The following PCDHA7 variants were observed in gnomAD, a reference collection of about 807,000 sequenced individuals.
PCDHA7 encodes the protein protocadherin alpha-7.
PCDHA7 carries 37 observed loss-of-function variants against 57.2 expected under a neutral mutation model. That is an observed-to-expected ratio of 0.65 (90% CI 0.50 to 0.85). PCDHA7 has a LOEUF of 0.85. Ranked by LOEUF, PCDHA7 falls within the 40% of genes least tolerant of loss-of-function variation. The pLI is 0.00. For missense variants in PCDHA7, 1,188 were observed against 1,241.8 expected (o/e 0.96, Z 0.65); for synonymous variants, 553 against 558.8 (o/e 0.99, Z 0.15).
intron 1 of PCDHA7, among the ~76,000 whole-genome samples, chr5:140,890,818 A>G (rs1170693390): frequency 1.3e-5 from 2 of 152,204 alleles, no homozygotes; most frequent in African/African-American, 4.8e-5. Flanking sequence ...ATTGTTTTAA[A>G]TGTACTTACA....
intron 3 of PCDHA7, among the ~76,000 whole-genome samples, chr5:140,985,672 G>A (rs1195009915): frequency 6.6e-6 from 1 of 151,738 alleles, no homozygotes. Flanking sequence ...AGGAAGTGGG[G>A]CCTGCCTTAC....
At chr5:140,882,415 T>G (rs782393404) in intron 1 of PCDHA7, 23 of 1,614,072 alleles carry the variant, frequency 1.4e-5, no homozygotes, top group African/African-American at 2.7e-5. Flanking sequence ...GCCGCATCGC[T>G]CAGGACCTGG....
Position 140,836,277 on chromosome 5 carries a change from A to G in PCDHA7, c.1894A>G (p.Ser632Gly), listed in dbSNP as rs1774327794. ...FRVGLYTGEI[S>G]TTRALDETDA... is the part of the protein sequence containing the mutation. ...CGTGGGGCTGTACACTGGTGAGATC[A>G]GCACGACACGAGCCCTAGATGAGAC... The change falls in exon 1 of 4, where the codon AGC becomes GGC. Residue 632 changes from serine (S) to glycine (G), a missense_variant. Ser to Gly is a moderately conservative substitution (Grantham distance 56, BLOSUM62 0). This residue lies in a region of PCDHA7 where 892 missense variants were observed against 788.5 expected (regional missense o/e 1.13). Coordinates refer to ENST00000525929, the MANE Select transcript of PCDHA7 (RefSeq NM_018910.3). 1 of 1,613,670 alleles carries G rather than the reference A, an allele frequency of 6.2e-7. No individual in the cohort carries two copies. The highest frequency in any genetic ancestry group is 8.5e-7 in the Non-Finnish European group (1 of 1,179,828).
intron 1 of PCDHA7, chr5:140,858,003 A>G: frequency 6.3e-7 from 1 of 1,596,628 alleles, no homozygotes; most frequent in Non-Finnish European, 8.6e-7. Flanking sequence ...CTGGTGAAGG[A>G]CCATGGCGAG....
In PCDHA7 at chr5:140,835,819, CG is replaced by C. The variant is rs2150245755; in HGVS notation, c.1441del (p.Asp481ThrfsTer55). On this transcript the variant is annotated frameshift_variant, in exon 1 of 4. Transcript: ENST00000525929. LOFTEE classifies it high-confidence loss of function. ...PPGCHIFTVS[A>X]GDADAQKNAL... The stretch of plus-strand genomic sequence containing the variant: ...GGCTGCCACATCTTCACTGTGTCGG[CG>C]GGGGACGCGGACGCGCAGAAGAACG... The C allele has an allele frequency of 7.4e-6, 12 of 1,612,672 alleles. No homozygotes were observed. In the South Asian group the frequency reaches 1.2e-4, roughly 16 times the overall value.
rs1554228541 is a variant in PCDHA7 at position 140,966,673 on chromosome 5, T to C, written c.2356-12276T>C. 2.3e-6 allele frequency: 3 copies of C among 1,290,056 alleles called. No homozygotes were observed. The African/African-American group carries it at 4.7e-5, about 20-fold the overall frequency. The allele number at this position is 1,290,056 out of a possible 1,614,324, so 79.9% of individuals were successfully genotyped here. A position where few individuals can be genotyped will look rare whatever the true frequency, so the allele number is the denominator to read the frequency against. On this transcript the variant is annotated intron_variant, in intron 1 of 3. Coordinates refer to ENST00000525929, the MANE Select transcript of PCDHA7 (RefSeq NM_018910.3). ...GAGCGGTGGGGGAGCAGGCGCAGGG[T>C]GGCACGAGCGGAGGCGGGGCCCGGG...
intron 1 of PCDHA7, among the ~76,000 whole-genome samples, chr5:140,880,368 T>G (rs1372331901): frequency 6.6e-6 from 1 of 152,170 alleles, no homozygotes; most frequent in African/African-American, 2.4e-5. Context: ...ATGAAAACCA[T>G]GAGAGAATAG....
At chr5:140,933,351 T>C (rs2089082227) in intron 1 of PCDHA7, among the ~76,000 whole-genome samples, 1 of 152,024 alleles carries the variant, frequency 6.6e-6, no homozygotes, top group South Asian at 2.1e-4. Flanking sequence ...AAACACTTTA[T>C]TTCTAACCCA....
At chr5:140,868,946 G>A in intron 1 of PCDHA7, 1 of 1,292,214 alleles carries the variant, frequency 7.7e-7, no homozygotes, top group Middle Eastern at 2.5e-4. Flanking sequence ...TCTGAACAGT[G>A]AGGCACTCCC....
rs2150238489 is a variant in PCDHA7 at position 140,835,571 on chromosome 5, G to C, written c.1188G>C (p.Lys396Asn). 6 of 1,613,800 alleles carry C rather than the reference G, an allele frequency of 3.7e-6. 1 individual carries two copies. The highest frequency in any genetic ancestry group is 5.1e-6 in the Non-Finnish European group (6 of 1,179,886). Residue 396 changes from lysine (K) to asparagine (N), a missense_variant, in exon 1 of 4, where the codon AAG (lysine) becomes AAC (asparagine). Lys to Asn is a moderately conservative substitution (Grantham distance 94). Coordinates refer to ENST00000525929, the MANE Select transcript of PCDHA7 (RefSeq NM_018910.3). ...CCCTGACGCCCCGCGTTCCCTTCAAGTTGGTGTCCACCTTCAAGAATTACT... is the reference window on the plus strand; with the variant it reads ...CCCTGACGCCCCGCGTTCCCTTCAACTTGGTGTCCACCTTCAAGAATTACT... ...TCSLTPRVPF[K>N]LVSTFKNYYS... is the part of the protein sequence containing the mutation.
At chr5:140,969,342 G>T (rs1216517284) in intron 1 of PCDHA7, 2 of 1,613,512 alleles carry the variant, frequency 1.2e-6, no homozygotes, top group Non-Finnish European at 1.7e-6. Flanking sequence ...GTGAGACAGT[G>T]GTCAGGGGGT....
At chr5:140,914,997 G>A (rs548148626) in intron 1 of PCDHA7, among the ~76,000 whole-genome samples, 43 of 148,264 alleles carry the variant, frequency 2.9e-4, no homozygotes, top group African/African-American at 1.0e-3. Flanking sequence ...CCAGGCTGGA[G>A]TGCAGTGGCC....
At chr5:140,977,589 G>A (rs567353301) in intron 1 of PCDHA7, among the ~76,000 whole-genome samples, 15 of 152,274 alleles carry the variant, frequency 9.9e-5, no homozygotes, top group Admixed American at 2.6e-4. Flanking sequence ...AGAGCAGTTA[G>A]CATGTGAGGA....
intron 1 of PCDHA7, among the ~76,000 whole-genome samples, chr5:140,936,295 C>T (rs1482125698): frequency 1.3e-5 from 2 of 152,182 alleles, no homozygotes; most frequent in African/African-American, 4.8e-5. Context: ...TATAACATTG[C>T]TATCCAATAG....
chr5:140,897,455 T>C (rs1376435296), intron 1 of PCDHA7, among the ~76,000 whole-genome samples: 1 of 151,682 alleles, frequency 6.6e-6, no homozygotes, highest in Non-Finnish European at 1.5e-5. Flanking sequence ...TTTTTGTCCT[T>C]GCGATAGTTT....
intron 1 of PCDHA7, among the ~76,000 whole-genome samples, chr5:140,951,626 C>T (rs1182328214): frequency 3.3e-5 from 5 of 152,062 alleles, no homozygotes; most frequent in African/African-American, 4.8e-5. Context: ...AAGGGGGAAA[C>T]CTGCCCCATG....
chr5:140,843,200 T>C (rs1554139863), intron 1 of PCDHA7: 1 of 1,595,954 alleles, frequency 6.3e-7, no homozygotes, highest in Non-Finnish European at 8.6e-7. Context: ...CGTGGGGCTG[T>C]ACACGGGCGA....
chr5:140,949,409 A>G (rs547419161), intron 1 of PCDHA7, among the ~76,000 whole-genome samples: 1 of 151,896 alleles, frequency 6.6e-6, no homozygotes, highest in African/African-American at 2.4e-5. Flanking sequence ...AAAATCACCT[A>G]TCATCATTGT....
intron 1 of PCDHA7, among the ~76,000 whole-genome samples, chr5:140,838,428 T>G (rs1373601057): frequency 6.6e-6 from 1 of 151,638 alleles, no homozygotes; most frequent in Non-Finnish European, 1.5e-5. Context: ...CCGGCCTAAA[T>G]TATATATTGG....
Sources: allele counts gnomAD v4.1 joint callset (sites outside exome capture counted in the v4.1 genomes callset), GRCh38; gene constraint gnomAD v4.1.1; regional missense constraint gnomAD v4.1.1; transcripts MANE v1.5; gene names NCBI Gene and HGNC (gene_info 2026-07-23, HGNC 2026-07-21).